DMD: variants seen among roughly 807,000 people sequenced by gnomAD.
DMD encodes mutant dystrophin.
In DMD, 63 loss-of-function variants were observed where a neutral mutation model predicts 330.1. That is an observed-to-expected ratio of 0.19 (90% CI 0.16 to 0.24). The LOEUF is 0.24. DMD is among the 10% of genes least tolerant of loss of function. The pLI is 1.00. For missense variants in DMD, 3,344 were observed against 2,684.1 expected, an observed-to-expected ratio of 1.25 and a Z score of -5.43; for synonymous variants, 1,223 against 959.8, an observed-to-expected ratio of 1.27 and a Z score of -5.07.
At position 32,885,746 on chromosome X, in the gene DMD, G is replaced by A. The variant is rs1414755746; in HGVS notation, c.94-35926C>T. On this transcript the variant is annotated intron_variant, in intron 2 of 78. Transcript: ENST00000357033. Reference sequence around the variant, plus strand: ...TTTCTGATGCATCACATAAAATGTAGAAGCGAAATTTGAGGGTTTAGAATA... The same window carrying A: ...TTTCTGATGCATCACATAAAATGTAAAAGCGAAATTTGAGGGTTTAGAATA... 3.0e-5 allele frequency among the ~76,000 whole-genome samples: 3 copies of A among 100,719 alleles called. No individual in the cohort carries two copies. The East Asian group carries it at 9.5e-4, about 32-fold the overall frequency. 87.5% of individuals were successfully genotyped at this position (100,719 alleles called of 115,157 possible). A position where few individuals can be genotyped will look rare whatever the true frequency, so the allele number is the denominator to read the frequency against.
chrX:32,400,059 G>C (rs759013572), intron 30 of DMD, among the ~76,000 whole-genome samples: 2 of 111,429 alleles, frequency 1.8e-5, no homozygotes, highest in Admixed American at 1.9e-4. Flanking sequence ...AATGCTTCCG[G>C]TTTTTGCCCA....
At chrX:32,093,814 C>G (rs184461317) in intron 44 of DMD, among the ~76,000 whole-genome samples, 5 of 110,688 alleles carry the variant, frequency 4.5e-5, no homozygotes, top group Non-Finnish European at 9.5e-5. Flanking sequence ...CTATATTTCA[C>G]AGAAAATAAC....
chrX:31,324,250 G>T (rs1219293376), intron 61 of DMD, among the ~76,000 whole-genome samples: 1 of 111,435 alleles, frequency 9.0e-6, no homozygotes, highest in Non-Finnish European at 1.9e-5. Context: ...GACCAAAAGT[G>T]AGGGAATGTC....
intron 5 of DMD, among the ~76,000 whole-genome samples, chrX:32,818,711 C>CT (rs2077963074): frequency 9.0e-6 from 1 of 111,298 alleles, no homozygotes; most frequent in Non-Finnish European, 1.9e-5. Context: ...CAAGGAAGGG[C>CT]TTGTTGCTCC....
chrX:31,674,869 G>GT (rs1464680859), intron 53 of DMD, among the ~76,000 whole-genome samples: 1 of 112,715 alleles, frequency 8.9e-6, no homozygotes, highest in African/African-American at 3.2e-5. Context: ...ACTGTTGGCA[G>GT]TTTTAGGTGC....
chrX:32,784,209 G>C (rs1011223774), intron 7 of DMD, among the ~76,000 whole-genome samples: 7 of 111,921 alleles, frequency 6.3e-5, no homozygotes, highest in African/African-American at 2.3e-4. Flanking sequence ...CCTTTATAGA[G>C]AAGCAGCGTT....
At chrX:33,125,894 A>T (rs2095460802) in intron 1 of DMD, among the ~76,000 whole-genome samples, 1 of 111,119 alleles carries the variant, frequency 9.0e-6, no homozygotes, top group Non-Finnish European at 1.9e-5. Context: ...AATCGCAGAG[A>T]ATAAGAATCA....
intron 2 of DMD, among the ~76,000 whole-genome samples, chrX:32,914,392 A>G (rs2087591888): frequency 8.9e-6 from 1 of 112,311 alleles, no homozygotes; most frequent in South Asian, 3.7e-4. Context: ...CTCATAGAAA[A>G]GGATTCAGGA....
intron 47 of DMD, among the ~76,000 whole-genome samples, chrX:31,898,108 G>A (rs2087192678): frequency 9.1e-6 from 1 of 110,067 alleles, no homozygotes; most frequent in African/African-American, 3.3e-5. Context: ...ACTGCTCAAG[G>A]AAATAAAAGA....
Position 31,814,256 on chromosome X carries a change from C to T in DMD, c.7309+5719G>A, listed in dbSNP as rs766857991. ...CAGCACTTTGGAAGGCCGAGGCGGG[C>T]GGATCACGAGGTCAGGAGATCGAGA... On this transcript the variant is annotated intron_variant, in intron 50 of 78. Coordinates refer to ENST00000357033, the MANE Select transcript of DMD (RefSeq NM_004006.3). 1.7e-3 allele frequency among the ~76,000 whole-genome samples: 185 copies of T among 108,113 alleles called. 3 individuals carry two copies. Among genetic ancestry groups the T allele is most frequent in the African/African-American group, 5.1e-3 (152 of 29,664 alleles). The allele number at this position is 108,113 out of a possible 115,157, so 93.9% of individuals were successfully genotyped here. A position where few individuals can be genotyped will look rare whatever the true frequency, so the allele number is the denominator to read the frequency against.
Position 33,043,651 on chromosome X carries a change from T to G in DMD, c.32-23451A>C, listed in dbSNP as rs185762205. On this transcript the variant is annotated intron_variant, in intron 1 of 78. Transcript: ENST00000357033. ...CAAAGAAGTTTTGACAAAACCAAAC[T>G]GTCTTTACTTTTAGATTATAAAAAC... Among the ~76,000 whole-genome samples the G allele has an allele frequency of 7.3e-4, 82 of 111,929 alleles. No homozygotes were observed. The East Asian group carries it at 0.015, about 21-fold the overall frequency.
At chrX:31,609,717 A>T (rs1486274741) in intron 55 of DMD, among the ~76,000 whole-genome samples, 2 of 111,714 alleles carry the variant, frequency 1.8e-5, no homozygotes, top group Admixed American at 1.9e-4. Flanking sequence ...TTTGCTTTCT[A>T]TGTGCAATCC....
chrX:31,211,259 G>A lies in DMD; in HGVS notation c.9362-1560C>T, dbSNP rs181342527. On this transcript the variant is annotated intron_variant, in intron 64 of 78. Coordinates refer to ENST00000357033, the MANE Select transcript of DMD (RefSeq NM_004006.3). Reference sequence around the variant, plus strand: ...GCTGGAGCGAGGTCCAGAGACAAAAGACTCAAACTTTTCTTCTCTCTCTCT... The same window carrying A: ...GCTGGAGCGAGGTCCAGAGACAAAAAACTCAAACTTTTCTTCTCTCTCTCT... 2.7e-3 allele frequency among the ~76,000 whole-genome samples: 308 copies of A among 112,233 alleles called. 1 individual carries two copies. The highest frequency in any genetic ancestry group is 9.7e-3 in the African/African-American group (300 of 30,924).
chrX:32,393,519 T>C (rs1487247658), intron 30 of DMD, among the ~76,000 whole-genome samples: 1 of 111,918 alleles, frequency 8.9e-6, no homozygotes, highest in East Asian at 2.8e-4. Flanking sequence ...ACTAAGGAAA[T>C]TCATAGGGAG....
chrX:31,274,749 C>A (rs765524973), intron 62 of DMD, among the ~76,000 whole-genome samples: 4 of 112,200 alleles, frequency 3.6e-5, no homozygotes, highest in South Asian at 7.4e-4. Flanking sequence ...ATATTAAGTT[C>A]TTTAAATAAC....
chrX:32,007,117 C>T (rs1261477827), intron 44 of DMD, among the ~76,000 whole-genome samples: 3 of 101,375 alleles, frequency 3.0e-5, no homozygotes, highest in Non-Finnish European at 4.0e-5. Context: ...ATACCTAATG[C>T]TAAATGATGA....
intron 44 of DMD, among the ~76,000 whole-genome samples, chrX:32,214,638 G>A (rs987587357): frequency 1.8e-5 from 2 of 111,583 alleles, no homozygotes; most frequent in African/African-American, 6.5e-5. Context: ...ACTCAGAAGG[G>A]TTTTGCCTCA....
intron 7 of DMD, among the ~76,000 whole-genome samples, chrX:32,734,116 T>C (rs1603303418): frequency 3.7e-5 from 4 of 107,678 alleles, no homozygotes; most frequent in South Asian, 8.3e-4. Context: ...CAAACTACCA[T>C]CAGAGAATAC....
At chrX:31,149,774 G>A (rs1276398741) in intron 74 of DMD, among the ~76,000 whole-genome samples, 1 of 111,568 alleles carries the variant, frequency 9.0e-6, no homozygotes, top group East Asian at 2.8e-4. Context: ...TACATCACCT[G>A]ATTCAATTCA....
Sources: allele counts gnomAD v4.1 joint callset (sites outside exome capture counted in the v4.1 genomes callset), GRCh38; gene constraint gnomAD v4.1.1; transcripts MANE v1.5; gene names NCBI Gene and HGNC (gene_info 2026-07-23, HGNC 2026-07-21).